SERPINA3: variants seen among roughly 807,000 people sequenced by gnomAD.
SERPINA3 encodes alpha-1-antichymotrypsin.
SERPINA3 carries 32 observed loss-of-function variants against 26.8 expected under a neutral mutation model. That is an observed-to-expected ratio of 1.20 (90% CI 0.90 to 1.61). SERPINA3 has a LOEUF of 1.61. SERPINA3 is among the 40% of genes most tolerant of loss of function. The pLI, the probability that SERPINA3 is intolerant of heterozygous loss-of-function variation, is 0.00. For synonymous variants in SERPINA3, 252 were observed against 206.4 expected (o/e 1.22, Z -1.89); for missense variants, 632 against 517.9 (o/e 1.22, Z -2.14).
rs543683318 is a variant in SERPINA3, at chr14:94,613,157, C to CTCCCCTCCT, written c.-9+742_-9+750dup. Among the ~76,000 whole-genome samples, 625 of 150,744 alleles carry CTCCCCTCCT rather than the reference C, an allele frequency of 4.1e-3. 2 individuals are homozygous for CTCCCCTCCT. The highest frequency in any genetic ancestry group is 6.6e-3 in the Non-Finnish European group (445 of 67,552). On this transcript the variant is annotated intron_variant, in intron 1 of 4. Transcript: ENST00000393078. Reference sequence around the variant, plus strand: ...CTTGGCCAAAGGCATTTCCACTGGCCTCCCCTCCTTCCCCTCCTTCCCCTC... The same window carrying CTCCCCTCCT: ...CTTGGCCAAAGGCATTTCCACTGGCCTCCCCTCCTTCCCCTCCTTCCCCTCCTTCCCCTC...
At position 94,619,410 on chromosome 14, in the gene SERPINA3, G is replaced by A. The variant is rs1472427003; in HGVS notation, c.859G>A (p.Val287Met). 6.2e-7 allele frequency: 1 copy of A among 1,614,192 alleles called. No homozygotes were observed. Among genetic ancestry groups the A allele is most frequent in the Admixed American group, 1.7e-5 (1 of 60,028 alleles). ...CCCTGATCAAGACAAGATGGAGGAA[G>A]TGGAAGCCATGCTGCTCCCAGAGAC... ...ILPDQDKMEE[V>M]EAMLLPETLK... Residue 287 changes from valine (V) to methionine (M), a missense_variant, in exon 3 of 5, where the codon GTG (valine) becomes ATG (methionine). By Grantham distance (21) the Val-to-Met change is conservative. Transcript: ENST00000393078.
In SERPINA3 at chr14:94,612,414, G is replaced by C. The variant is rs1324476971; in HGVS notation, c.-42G>C. On this transcript the variant is annotated 5_prime_UTR_variant, in exon 1 of 5. Coordinates refer to ENST00000393078, the MANE Select transcript of SERPINA3 (RefSeq NM_001085.5). Reference sequence around the variant, plus strand: ...CCACTACTCCAGACAGACGGCTTTGGAATCCACCAGCTACATCCAGCTCCC... The same window carrying C: ...CCACTACTCCAGACAGACGGCTTTGCAATCCACCAGCTACATCCAGCTCCC... 7.3e-7 allele frequency: 1 copy of C among 1,366,078 alleles called. No individual in the cohort carries two copies. Among genetic ancestry groups the C allele is most frequent in the Admixed American group, 1.9e-5 (1 of 52,544 alleles). 84.6% of individuals were successfully genotyped at this position (1,366,078 alleles called of 1,614,324 possible).
In SERPINA3 at chr14:94,612,734, T is replaced by A. The variant is rs115612803; in HGVS notation, c.-9+287T>A. On this transcript the variant is annotated intron_variant, in intron 1 of 4. Coordinates refer to ENST00000393078, the MANE Select transcript of SERPINA3 (RefSeq NM_001085.5). ...CTTACAGATTCGGATTTGAGTCAGC[T>A]GTGCATCTGACCCTCAGGGAAGAGG... Among the ~76,000 whole-genome samples, 1,129 of 152,332 alleles carry A rather than the reference T, an allele frequency of 7.4e-3. 14 individuals carry two copies. Among genetic ancestry groups the A allele is most frequent in the African/African-American group, 0.026 (1,064 of 41,572 alleles).
At position 94,619,288 on chromosome 14, in the gene SERPINA3, T is replaced by C. The variant is rs1886109592; in HGVS notation, c.737T>C (p.Leu246Ser). 3.1e-6 allele frequency: 5 copies of C among 1,614,008 alleles called. No individual in the cohort carries two copies. The highest frequency in any genetic ancestry group is 4.2e-6 in the Non-Finnish European group (5 of 1,180,028). Residue 246 changes from leucine (L) to serine (S), a missense_variant, in exon 3 of 5, where the codon TTG (leucine) becomes TCG (serine). Leu to Ser is a moderately radical substitution (Grantham distance 145, BLOSUM62 -2). Coordinates refer to ENST00000393078, the MANE Select transcript of SERPINA3 (RefSeq NM_001085.5). ...KKWVMVPMMS[L>S]HHLTIPYFRD... ...TGGGTAATGGTGCCCATGATGAGTTTGCATCACCTGACTATACCTTACTTC... is the reference window on the plus strand; with the variant it reads ...TGGGTAATGGTGCCCATGATGAGTTCGCATCACCTGACTATACCTTACTTC...
intron 2 of SERPINA3, chr14:94,618,966 C>A: frequency 1.7e-6 from 1 of 599,490 alleles, no homozygotes; most frequent in Non-Finnish European, 3.0e-6. Context: ...CTATTGATTT[C>A]TCATTTAGCA....
At chr14:94,618,507 G>T (rs1204657245) in intron 2 of SERPINA3, 1 of 155,610 alleles carries the variant, frequency 6.4e-6, no homozygotes, top group Non-Finnish European at 1.4e-5. Context: ...TGTAGAGGTG[G>T]ACATGAGCTA....
intron 3 of SERPINA3, among the ~76,000 whole-genome samples, chr14:94,621,455 C>T (rs977074715): frequency 6.6e-6 from 1 of 152,146 alleles, no homozygotes; most frequent in African/African-American, 2.4e-5. Context: ...GGACACCTTC[C>T]TCCTTCAGGG....
In SERPINA3 at chr14:94,619,375, T is replaced by C; in HGVS notation, c.824T>C (p.Leu275Pro). ...AAGTACACAGGCAATGCCAGCGCAC[T>C]CTTCATCCTCCCTGATCAAGACAAG... Reference protein sequence around the residue: ...ELKYTGNASALFILPDQDKME... With the variant: ...ELKYTGNASAPFILPDQDKME... The change falls in exon 3 of 5, where the codon CTC becomes CCC. Residue 275 changes from leucine (L) to proline (P), a missense_variant. Leu to Pro is a moderately conservative substitution (Grantham distance 98). Transcript: ENST00000393078. The C allele has an allele frequency of 6.2e-7, 1 of 1,614,134 alleles. No individual in the cohort carries two copies. Among genetic ancestry groups the C allele is most frequent in the Non-Finnish European group, 8.5e-7 (1 of 1,180,022 alleles).
intron 2 of SERPINA3, chr14:94,617,978 T>G (rs1219032058): frequency 1.3e-5 from 2 of 152,158 alleles, no homozygotes; most frequent in East Asian, 3.8e-4. Flanking sequence ...CACACAAAAA[T>G]AAGCTATGGC....
chr14:94,621,586 C>G (rs1210893611), intron 3 of SERPINA3, among the ~76,000 whole-genome samples: 6 of 152,134 alleles, frequency 3.9e-5, no homozygotes, highest in Admixed American at 3.3e-4. Context: ...GCAGGTGTGA[C>G]CTGGGCCTCT....
chr14:94,619,511 C>T lies in SERPINA3; in HGVS notation c.917+43C>T, dbSNP rs752853685. On this transcript the variant is annotated intron_variant, in intron 3 of 4. Transcript: ENST00000393078. Reference sequence around the variant, plus strand: ...CCAAAGACCCCACATCTCTCCACGTCAAGGTCTCACCAATGTCCAGGGACA... The same window carrying T: ...CCAAAGACCCCACATCTCTCCACGTTAAGGTCTCACCAATGTCCAGGGACA... The T allele has an allele frequency of 1.2e-5, 20 of 1,611,514 alleles. No homozygotes were observed. The East Asian group carries it at 3.6e-4, about 29-fold the overall frequency.
intron 3 of SERPINA3, 66 bp from the exon 4 acceptor site, chr14:94,622,275 C>T (rs1886227521): frequency 9.4e-6 from 14 of 1,485,820 alleles, no homozygotes; most frequent in South Asian, 3.4e-5. Flanking sequence ...GACCATGCTG[C>T]GAGGTGGGAG....
chr14:94,622,080 A>AGGGCAGGGCCAGGCTC (rs1886220532), intron 3 of SERPINA3, among the ~76,000 whole-genome samples: 2 of 152,228 alleles, frequency 1.3e-5, no homozygotes, highest in South Asian at 4.1e-4. Context: ...CTGCAGGGAA[A>AGGGCAGGGCCAGGCTC]GGGCAGGGCC....
At position 94,614,480 on chromosome 14, in the gene SERPINA3, G is replaced by A. The variant is rs538662666; in HGVS notation, c.39G>A (p.Leu13=). 18 of 1,614,004 alleles carry A rather than the reference G, an allele frequency of 1.1e-5. No individual in the cohort carries two copies. In the East Asian group the frequency reaches 3.6e-4, roughly 32 times the overall value. Residue 13 remains leucine (L), a synonymous_variant, in exon 2 of 5, where the codon TTG becomes TTA. Transcript: ENST00000393078. ...TACCTCTCCTGGCTCTGGGGCTCTT[G>A]GCGGCTGGGTTCTGCCCTGCTGTCC... is the stretch of plus-strand genomic sequence containing the variant. ...RMLPLLALGL[L]AAGFCPAVLC...
chr14:94,623,549 G>T, intron 4 of SERPINA3, 62 bp from the exon 5 acceptor site: 1 of 1,475,354 alleles, frequency 6.8e-7, no homozygotes. Context: ...TGGCACACAG[G>T]CAGGTCGCTG....
chr14:94,619,698 T>G, intron 3 of SERPINA3: 1 of 584,980 alleles, frequency 1.7e-6, no homozygotes, highest in Admixed American at 2.8e-5. Context: ...TCCAGCATGT[T>G]CTAAGTCATG....
rs753083421 is a variant in SERPINA3 at position 94,623,756 on chromosome 14, C to T, written c.1214C>T (p.Pro405Leu). The change falls in exon 5 of 5, where the codon CCT (proline) becomes CTT (leucine). Residue 405 changes from proline (P) to leucine (L), a missense_variant. Coordinates refer to ENST00000393078, the MANE Select transcript of SERPINA3 (RefSeq NM_001085.5). ...AGGCCCTTCCTGATGATCATTGTCC[C>T]TACAGACACCCAGAACATCTTCTTC... The part of the protein sequence containing the change: ...FNRPFLMIIV[P>L]TDTQNIFFMS... The T allele has an allele frequency of 1.2e-6, 2 of 1,614,162 alleles. No homozygotes were observed. Among genetic ancestry groups the T allele is most frequent in the East Asian group, 4.5e-5 (2 of 44,858 alleles).
In SERPINA3 at chr14:94,623,821, C is replaced by A. The variant is rs144319070; in HGVS notation, c.*7C>A. 3.9e-3 allele frequency: 6,350 copies of A among 1,613,370 alleles called. 25 individuals are homozygous for A. Among genetic ancestry groups the A allele is most frequent in the Middle Eastern group, 8.9e-3 (54 of 6,058 alleles). On this transcript the variant is annotated 3_prime_UTR_variant, in exon 5 of 5. Transcript: ENST00000393078. The stretch of plus-strand genomic sequence containing the variant: ...CAATCCCAAGCAAGCCTAGAGCTTG[C>A]CATCAAGCAGTGGGGCTCTCAGTAA...
In SERPINA3 at chr14:94,619,327, T is replaced by A; in HGVS notation, c.776T>A (p.Leu259Gln). ...ATACCTTACTTCCGGGACGAGGAGC[T>A]GTCCTGCACCGTGGTGGAGCTGAAG... ...LTIPYFRDEE[L>Q]SCTVVELKYT... is the part of the protein sequence containing the mutation. The change falls in exon 3 of 5, where the codon CTG (leucine) becomes CAG (glutamine). Residue 259 changes from leucine to glutamine, a missense_variant. Transcript: ENST00000393078. 1 of 1,614,218 alleles carries A rather than the reference T, an allele frequency of 6.2e-7. No homozygotes were observed. The highest frequency in any genetic ancestry group is 8.5e-7 in the Non-Finnish European group (1 of 1,180,030).
Sources: allele counts gnomAD v4.1 joint callset (sites outside exome capture counted in the v4.1 genomes callset), GRCh38; gene constraint gnomAD v4.1.1; transcripts MANE v1.5; gene names NCBI Gene and HGNC (gene_info 2026-07-23, HGNC 2026-07-21).